Variants in DPYSL3 observed in about 807,000 individuals in gnomAD.
DPYSL3 encodes dihydropyrimidinase like 3, also known as dihydropyrimidinase-related protein 3.
Under a neutral mutation model 66.1 loss-of-function variants are expected in DPYSL3, and 16 were observed. The ratio of observed to expected loss-of-function variants is 0.24; its 90% CI spans 0.16 to 0.37. The LOEUF (loss-of-function observed/expected upper bound fraction) is 0.37, where lower values mean the gene tolerates loss of function less well. Among genes scored for constraint, DPYSL3 ranks in the 10% least tolerant of loss-of-function variants. DPYSL3 has a pLI of 1.00. For synonymous variants in DPYSL3, 338 were observed against 345.1 expected (o/e 0.98, Z 0.23); for missense variants, 738 against 916.2 (o/e 0.81, Z 2.51).
At chr5:147,491,452 C>T (rs1753414098) in intron 1 of DPYSL3, among the ~76,000 whole-genome samples, 1 of 152,052 alleles carries the variant, frequency 6.6e-6, no homozygotes, top group Non-Finnish European at 1.5e-5. Context: ...AGCATCAAAA[C>T]AAGAGTCAGC....
At position 147,394,084 on chromosome 5, in the gene DPYSL3, C is replaced by G. The variant is rs756369537; in HGVS notation, c.2006G>C (p.Arg669Pro). ...VDEGVRSASKRIVAPPGGRSN... is the reference protein window; with the variant it reads ...VDEGVRSASKPIVAPPGGRSN... ...ACGGCCGCCTGGGGGCGCCACGATG[C>G]GCTTGCTGGCTGAGCGAACCCCCTC... Residue 669 changes from arginine to proline, a missense_variant, in exon 14 of 14, where the codon CGC (arginine) becomes CCC (proline). Physicochemically the swap from Arg to Pro is moderately radical, Grantham distance 103. Transcript: ENST00000343218. The G allele has an allele frequency of 6.2e-7, 1 of 1,613,976 alleles. No homozygotes were observed.
At chr5:147,455,384 AT>A (rs1390551275) in intron 1 of DPYSL3, among the ~76,000 whole-genome samples, 1 of 152,156 alleles carries the variant, frequency 6.6e-6, no homozygotes, top group Non-Finnish European at 1.5e-5. Context: ...TCTCCACTTT[AT>A]TTCTGTGATA....
At chr5:147,481,076 C>T (rs1222525784) in intron 1 of DPYSL3, among the ~76,000 whole-genome samples, 1 of 151,994 alleles carries the variant, frequency 6.6e-6, no homozygotes, top group African/African-American at 2.4e-5. Flanking sequence ...TTAAAGTTTA[C>T]AAAAAATTTC....
At chr5:147,417,336 C>G (rs1751990201) in intron 3 of DPYSL3, among the ~76,000 whole-genome samples, 1 of 152,216 alleles carries the variant, frequency 6.6e-6, no homozygotes, top group Non-Finnish European at 1.5e-5. Flanking sequence ...TTACTAATGT[C>G]TGGGGCAACA....
chr5:147,420,845 A>G (rs1752063886), intron 2 of DPYSL3, among the ~76,000 whole-genome samples: 1 of 152,202 alleles, frequency 6.6e-6, no homozygotes, highest in Non-Finnish European at 1.5e-5. Flanking sequence ...ATCATCTTAC[A>G]CCTTCAACCC....
At chr5:147,492,832 C>T (rs1206535083) in intron 1 of DPYSL3, among the ~76,000 whole-genome samples, 1 of 152,098 alleles carries the variant, frequency 6.6e-6, no homozygotes, top group Admixed American at 6.6e-5. Context: ...CATCTATAAT[C>T]CATCTGTAAC....
chr5:147,468,757 G>T (rs1189349829), intron 1 of DPYSL3, among the ~76,000 whole-genome samples: 3 of 151,664 alleles, frequency 2.0e-5, no homozygotes, highest in South Asian at 2.1e-4. Context: ...TAAGTTCTGG[G>T]GTACATGTGC....
chr5:147,453,809 C>A (rs1752794178), intron 1 of DPYSL3: 1 of 1,214,062 alleles, frequency 8.2e-7, no homozygotes. Flanking sequence ...CGCCCCCCCA[C>A]GCACACCCTC....
intron 1 of DPYSL3, among the ~76,000 whole-genome samples, chr5:147,484,256 T>C (rs1230962629): frequency 2.0e-5 from 3 of 152,190 alleles, no homozygotes; most frequent in Non-Finnish European, 4.4e-5. Context: ...CCTCCTCCCC[T>C]TCACCAAATG....
At chr5:147,408,896 C>G in intron 6 of DPYSL3, 100 bp from the exon 7 acceptor site, 1 of 1,171,266 alleles carries the variant, frequency 8.5e-7, no homozygotes, top group African/African-American at 1.5e-5. Context: ...AATAAATATG[C>G]GTATGTTGAA....
intron 1 of DPYSL3, among the ~76,000 whole-genome samples, chr5:147,456,702 C>T (rs1408311381): frequency 2.0e-5 from 3 of 150,880 alleles, no homozygotes; most frequent in East Asian, 2.0e-4. Context: ...GCAATTCTCC[C>T]GCCTCATCCT....
chr5:147,429,417 T>C (rs1294485194), intron 1 of DPYSL3, among the ~76,000 whole-genome samples: 4 of 152,144 alleles, frequency 2.6e-5, no homozygotes, highest in Non-Finnish European at 5.9e-5. Context: ...GCATCGTTTT[T>C]TTTCATCAGC....
At chr5:147,494,690 C>T (rs1433954908) in intron 1 of DPYSL3, among the ~76,000 whole-genome samples, 3 of 145,964 alleles carry the variant, frequency 2.1e-5, no homozygotes, top group Non-Finnish European at 3.0e-5. Context: ...ATGGTGAAAC[C>T]CCGTCTCTAC....
intron 2 of DPYSL3, among the ~76,000 whole-genome samples, chr5:147,424,475 C>T (rs1413966050): frequency 6.6e-6 from 1 of 152,172 alleles, no homozygotes; most frequent in Non-Finnish European, 1.5e-5. Flanking sequence ...CTGTGCTCTG[C>T]CCATCTAAGT....
chr5:147,509,372 C>G lies in DPYSL3; in HGVS notation c.381+106G>C. 7.2e-7 allele frequency: 1 copy of G among 1,386,756 alleles called. No individual in the cohort carries two copies. Among genetic ancestry groups the G allele is most frequent in the Non-Finnish European group, 9.5e-7 (1 of 1,054,480 alleles). The allele number at this position is 1,386,756 out of a possible 1,614,324, so 85.9% of individuals were successfully genotyped here. A position where few individuals can be genotyped will look rare whatever the true frequency, so the allele number is the denominator to read the frequency against. On this transcript the variant is annotated intron_variant, in intron 1 of 13. Transcript: ENST00000343218. This position sits in a 1 kb window ranked among gnomAD's most constrained non-coding sequence, Gnocchi z 5.3. ...ATGACCCTTTCCTCCTCCTTGTCCC[C>G]CAGCCCCGTGCAAAGTGAGCTGGAG...
At chr5:147,488,011 C>T (rs968552200) in intron 1 of DPYSL3, among the ~76,000 whole-genome samples, 1 of 152,166 alleles carries the variant, frequency 6.6e-6, no homozygotes, top group African/African-American at 2.4e-5. Flanking sequence ...GTGTGAAAAA[C>T]CATTATTCAC....
At chr5:147,495,430 T>C (rs567067231) in intron 1 of DPYSL3, among the ~76,000 whole-genome samples, 137 of 152,288 alleles carry the variant, frequency 9.0e-4, no homozygotes, top group African/African-American at 3.0e-3. Flanking sequence ...ATAAAGGGCA[T>C]TCAATTAGGA....
chr5:147,456,914 A>G (rs1268977288), intron 1 of DPYSL3, among the ~76,000 whole-genome samples: 1 of 152,034 alleles, frequency 6.6e-6, no homozygotes, highest in Non-Finnish European at 1.5e-5. Context: ...AAATGTATCC[A>G]GACTATGGTC....
intron 1 of DPYSL3, among the ~76,000 whole-genome samples, chr5:147,465,814 C>T (rs1753001346): frequency 6.6e-6 from 1 of 152,168 alleles, no homozygotes; most frequent in Admixed American, 6.5e-5. Context: ...ATAAGGTCTG[C>T]TGAAGCCTTT....
Sources: allele counts gnomAD v4.1 joint callset (sites outside exome capture counted in the v4.1 genomes callset), GRCh38; gene constraint gnomAD v4.1.1; non-coding constraint Gnocchi (gnomAD v3.1); transcripts MANE v1.5; gene names NCBI Gene and HGNC (gene_info 2026-07-23, HGNC 2026-07-21).